ABI3BP: variants seen among roughly 807,000 people sequenced by gnomAD.
ABI3BP encodes the protein target of Nesh-SH3.
Under a neutral mutation model 268.6 loss-of-function variants are expected in ABI3BP, and 216 were observed. The observed-to-expected ratio is 0.80, with a 90% CI of 0.72 to 0.90. The LOEUF (loss-of-function observed/expected upper bound fraction) is 0.90. Among genes scored for constraint, ABI3BP ranks in the 40% least tolerant of loss-of-function variants. ABI3BP has a pLI of 0.00. For synonymous variants in ABI3BP, 730 were observed against 730.0 expected, an observed-to-expected ratio of 1.00 and a Z score of 0.00; for missense variants, 2,090 against 2,182.4, an observed-to-expected ratio of 0.96 and a Z score of 0.84.
At chr3:100,779,477 C>T (rs1331031143) in intron 58 of ABI3BP, among the ~76,000 whole-genome samples, 1 of 152,202 alleles carries the variant, frequency 6.6e-6, no homozygotes, top group East Asian at 1.9e-4. Context: ...TGCTTTAACC[C>T]ACATTTTAAG....
intron 51 of ABI3BP, among the ~76,000 whole-genome samples, chr3:100,804,130 CGGCTTCCTAA>C (rs1442857232): frequency 1.3e-5 from 2 of 152,080 alleles, no homozygotes; most frequent in East Asian, 3.8e-4. Flanking sequence ...CAGTTACCAG[CGGCTTCCTAA>C]GGCCACTTGA....
intron 30 of ABI3BP, 107 bp from the exon 31 acceptor site, chr3:100,832,457 A>G: frequency 9.3e-7 from 1 of 1,074,374 alleles, no homozygotes; most frequent in Non-Finnish European, 1.3e-6. Flanking sequence ...TTGAGTTGAC[A>G]GAACTTTGTC....
chr3:100,966,929 A>G (rs1239183900), intron 1 of ABI3BP, among the ~76,000 whole-genome samples: 3 of 152,044 alleles, frequency 2.0e-5, no homozygotes, highest in African/African-American at 4.8e-5. Context: ...AAAGCGCTAG[A>G]ATTTGTAAGG....
intron 51 of ABI3BP, among the ~76,000 whole-genome samples, chr3:100,797,491 T>C (rs2097379387): frequency 2.0e-5 from 3 of 149,234 alleles, no homozygotes; most frequent in Admixed American, 6.7e-5. Flanking sequence ...TTTCCTTGCA[T>C]CTTATATAAT....
Position 100,951,832 on chromosome 3 carries a change from C to G in ABI3BP, c.80-25351G>C, listed in dbSNP as rs145653190. Among the ~76,000 whole-genome samples, 738 of 152,036 alleles carry G rather than the reference C, an allele frequency of 4.9e-3. 7 individuals carry two copies. The highest frequency in any genetic ancestry group is 0.01 in the Middle Eastern group (3 of 294). ...GAGTGAGTTTTCTTCTTTTCCTTCT[C>G]CTTGACCACTTTGGTGCAGGTCATC... is the stretch of plus-strand genomic sequence containing the variant. On this transcript the variant is annotated intron_variant, in intron 1 of 67. Transcript: ENST00000471714.
At chr3:100,843,929 G>GA in intron 20 of ABI3BP, 2 of 985,216 alleles carry the variant, frequency 2.0e-6, no homozygotes, top group Non-Finnish European at 2.4e-6. Flanking sequence ...AAATTATAAG[G>GA]AAAAATCTGC....
chr3:100,911,957 A>C (rs2056669691), intron 2 of ABI3BP: 1 of 944,532 alleles, frequency 1.1e-6, no homozygotes, highest in Non-Finnish European at 1.7e-6. Flanking sequence ...CATTTACTTC[A>C]CTTGAGGAAT....
intron 63 of ABI3BP, among the ~76,000 whole-genome samples, chr3:100,762,017 G>A (rs2095988915): frequency 6.6e-6 from 1 of 152,140 alleles, no homozygotes; most frequent in Non-Finnish European, 1.5e-5. Flanking sequence ...ATAATTCAAA[G>A]TTTATCTATT....
intron 29 of ABI3BP, 150 bp downstream of exon 29, chr3:100,834,534 C>T (rs1348525559): frequency 2.5e-5 from 16 of 636,810 alleles, no homozygotes; most frequent in Admixed American, 7.9e-5. Flanking sequence ...TCACAGGTAT[C>T]GCCAGAGCAC....
chr3:100,752,892 A>G lies in ABI3BP; in HGVS notation c.5017T>C (p.Cys1673Arg). 1 of 1,613,436 alleles carries G rather than the reference A, an allele frequency of 6.2e-7. No individual in the cohort carries two copies. The highest frequency in any genetic ancestry group is 8.5e-7 in the Non-Finnish European group (1 of 1,179,672). Residue 1673 changes from cysteine (C) to arginine (R), a missense_variant, in exon 66 of 68, where the codon TGT (cysteine) becomes CGT (arginine). By Grantham distance (180) the Cys-to-Arg change is radical. Coordinates refer to ENST00000471714, the MANE Select transcript of ABI3BP (RefSeq NM_001375547.2). ...RPFNSDSYSECKGKQYVKRTW... is the reference protein window; with the variant it reads ...RPFNSDSYSERKGKQYVKRTW... ...CTTTTGACATATTGTTTGCCCTTACACTCTGAGTAAGAGTCTGAATTAAAG... is the reference window on the plus strand; with the variant it reads ...CTTTTGACATATTGTTTGCCCTTACGCTCTGAGTAAGAGTCTGAATTAAAG...
chr3:100,762,185 AG>A (rs1480493217), intron 63 of ABI3BP, among the ~76,000 whole-genome samples: 1 of 152,090 alleles, frequency 6.6e-6, no homozygotes, highest in Non-Finnish European at 1.5e-5. Flanking sequence ...GTCTTTTATT[AG>A]TGTTAATCTT....
At chr3:100,751,204 T>A (rs2095302510) in intron 67 of ABI3BP, among the ~76,000 whole-genome samples, 1 of 152,160 alleles carries the variant, frequency 6.6e-6, no homozygotes, top group Non-Finnish European at 1.5e-5. Context: ...TAGCAGTAGT[T>A]AAAAAATTTT....
intron 28 of ABI3BP, 148 bp downstream of exon 28, chr3:100,835,453 A>G: frequency 3.1e-6 from 2 of 646,738 alleles, no homozygotes; most frequent in Non-Finnish European, 5.1e-6. Flanking sequence ...AAGCACTTTC[A>G]ATACATTCAA....
Position 100,795,827 on chromosome 3 carries a change from A to G in ABI3BP, c.3842T>C (p.Phe1281Ser), listed in dbSNP as rs2097330573. Residue 1281 changes from phenylalanine to serine, a missense_variant, in exon 53 of 68, where the codon TTT (phenylalanine) becomes TCT (serine). Phe to Ser is a radical substitution (Grantham distance 155). Transcript: ENST00000471714. ...EPVLQPVTFRFEPPKTTIAPL... is the reference protein window; with the variant it reads ...EPVLQPVTFRSEPPKTTIAPL... Reference sequence around the variant, plus strand: ...ACCTATTGTTGTCTTTGGTGGCTCAAATCTAAAGGTAACAGGCTGCAGAAC... The same window carrying G: ...ACCTATTGTTGTCTTTGGTGGCTCAGATCTAAAGGTAACAGGCTGCAGAAC... The G allele has an allele frequency of 4.7e-6, 6 of 1,288,130 alleles. No individual in the cohort carries two copies. In the South Asian group the frequency reaches 4.9e-5, roughly 11 times the overall value. 79.8% of individuals were successfully genotyped at this position (1,288,130 alleles called of 1,614,324 possible). A position where few individuals can be genotyped will look rare whatever the true frequency, so the allele number is the denominator to read the frequency against.
intron 59 of ABI3BP, among the ~76,000 whole-genome samples, chr3:100,777,191 C>A (rs1324187533): frequency 6.6e-6 from 1 of 152,236 alleles, no homozygotes; most frequent in Non-Finnish European, 1.5e-5. Context: ...CATCCACTCC[C>A]TTTCATGGCG....
rs116648662 is a variant in ABI3BP, at chr3:100,912,158, C to T, written c.260-9472G>A. On this transcript the variant is annotated intron_variant, in intron 2 of 67. Coordinates refer to ENST00000471714, the MANE Select transcript of ABI3BP (RefSeq NM_001375547.2). ...AGCTGGTCAACACAAAGCCCAAGAA[C>T]ACCTGCTCTTACCCTTCGTGCTGCC... 4.1e-3 allele frequency: 1,788 copies of T among 431,804 alleles called. 18 individuals are homozygous for T. The highest frequency in any genetic ancestry group is 0.029 in the African/African-American group (1,416 of 49,006). 26.7% of individuals were successfully genotyped at this position (431,804 alleles called of 1,614,324 possible). A position where few individuals can be genotyped will look rare whatever the true frequency, so the allele number is the denominator to read the frequency against.
At chr3:100,777,145 T>C (rs1355979908) in intron 59 of ABI3BP, among the ~76,000 whole-genome samples, 2 of 152,330 alleles carry the variant, frequency 1.3e-5, no homozygotes, top group Middle Eastern at 3.4e-3. Flanking sequence ...ACAAGCTCCA[T>C]CACAACAGCC....
chr3:100,889,495 T>C (rs1459529413), intron 4 of ABI3BP, among the ~76,000 whole-genome samples: 1 of 152,182 alleles, frequency 6.6e-6, no homozygotes, highest in Non-Finnish European at 1.5e-5. Context: ...GTATTTACCA[T>C]AACATATAGT....
At chr3:100,805,799 G>A (rs2097689138) in intron 50 of ABI3BP, among the ~76,000 whole-genome samples, 1 of 151,968 alleles carries the variant, frequency 6.6e-6, no homozygotes, top group African/African-American at 2.4e-5. Flanking sequence ...CAATAAACCT[G>A]CCCTAACTCA....
Sources: allele counts gnomAD v4.1 joint callset (sites outside exome capture counted in the v4.1 genomes callset), GRCh38; gene constraint gnomAD v4.1.1; transcripts MANE v1.5; gene names NCBI Gene and HGNC (gene_info 2026-07-23, HGNC 2026-07-21).